Variants in SHQ1 observed in about 807,000 individuals in gnomAD.
SHQ1 encodes protein SHQ1 homolog.
In SHQ1, 49 loss-of-function variants were observed where a neutral mutation model predicts 53.8. That is an observed-to-expected ratio of 0.91 (90% CI 0.72 to 1.16). SHQ1 has a LOEUF of 1.16. SHQ1 is among the 50% of genes most tolerant of loss of function. The pLI is 0.00. For synonymous variants in SHQ1, 243 were observed against 251.0 expected, an observed-to-expected ratio of 0.97 and a Z score of 0.30; for missense variants, 738 against 683.1, an observed-to-expected ratio of 1.08 and a Z score of -0.90.
the SHQ1 span, among the ~76,000 whole-genome samples, chr3:72,739,210 A>C: frequency 6.6e-6 from 1 of 152,098 alleles, no homozygotes; most frequent in South Asian, 2.1e-4. Context: ...TTTGTGTACA[A>C]ACGAAGCCGT....
chr3:72,739,662 C>T, the SHQ1 span, among the ~76,000 whole-genome samples: 1 of 152,184 alleles, frequency 6.6e-6, no homozygotes, highest in Non-Finnish European at 1.5e-5. Context: ...CAGAGGCACA[C>T]TCAGAGAGTA....
chr3:72,848,085 G>T, intron 1 of SHQ1, 113 bp downstream of exon 1: 1 of 1,320,050 alleles, frequency 7.6e-7, no homozygotes, highest in Non-Finnish European at 1.1e-6. Flanking sequence ...CTGCGGAAAC[G>T]TCGGGAAAAG....
intron 1 of SHQ1, chr3:72,846,499 T>A (rs1015264043): frequency 5.4e-6 from 3 of 551,624 alleles, no homozygotes; most frequent in Admixed American, 6.2e-5. Context: ...GGTTTAACCA[T>A]GTTGGTCAGG....
intron 2 of SHQ1, among the ~76,000 whole-genome samples, chr3:72,843,722 G>A (rs1708246807): frequency 6.6e-6 from 1 of 152,044 alleles, no homozygotes; most frequent in Non-Finnish European, 1.5e-5. Flanking sequence ...TGCATTATGG[G>A]TTAGATCTCT....
chr3:72,773,164 A>G, intron 10 of SHQ1: 1 of 742,342 alleles, frequency 1.3e-6, no homozygotes, highest in Admixed American at 1.8e-5. Flanking sequence ...TTGGAAAAAG[A>G]CATAAAAAAC....
intron 9 of SHQ1, among the ~76,000 whole-genome samples, chr3:72,799,849 C>A (rs1706732943): frequency 6.6e-6 from 1 of 152,102 alleles, no homozygotes; most frequent in South Asian, 2.1e-4. Flanking sequence ...TCATGTACAA[C>A]CCTCAATTCA....
chr3:72,749,344 T>C lies in SHQ1; in HGVS notation c.*940A>G. 1 of 229,766 alleles carries C rather than the reference T, an allele frequency of 4.4e-6. No individual in the cohort carries two copies. Among genetic ancestry groups the C allele is most frequent in the Non-Finnish European group, 8.6e-6 (1 of 115,870 alleles). The allele number at this position is 229,766 out of a possible 1,614,324, so 14.2% of individuals were successfully genotyped here. On this transcript the variant is annotated 3_prime_UTR_variant, in exon 11 of 11. Coordinates refer to ENST00000325599, the MANE Select transcript of SHQ1 (RefSeq NM_018130.3). ...AAACTGGAAACAACCCAGGTGTCCA[T>C]CGATAGGTCAATGAACAAATCTATT...
intron 10 of SHQ1, among the ~76,000 whole-genome samples, chr3:72,789,248 A>G (rs573253710): frequency 6.6e-6 from 1 of 152,354 alleles, no homozygotes; most frequent in East Asian, 1.9e-4. Flanking sequence ...AATGTATTAC[A>G]GTTCATTATT....
chr3:72,747,522 G>A (rs1705277388), downstream of SHQ1, among the ~76,000 whole-genome samples: 1 of 152,204 alleles, frequency 6.6e-6, no homozygotes, highest in Non-Finnish European at 1.5e-5. Flanking sequence ...TGTAGGGAAG[G>A]ACAATCAAGG....
At chr3:72,847,363 G>C (rs1405349563) in intron 1 of SHQ1, among the ~76,000 whole-genome samples, 1 of 152,180 alleles carries the variant, frequency 6.6e-6, no homozygotes, top group Non-Finnish European at 1.5e-5. Context: ...ATAAAGAGAA[G>C]GACAAGAGAT....
intron 10 of SHQ1, among the ~76,000 whole-genome samples, chr3:72,758,652 C>T (rs1705550172): frequency 6.7e-6 from 1 of 150,170 alleles, no homozygotes; most frequent in Admixed American, 6.6e-5. Flanking sequence ...TCACTGCAAC[C>T]TCCACCTCCT....
chr3:72,765,539 A>T (rs1275126507), intron 10 of SHQ1, among the ~76,000 whole-genome samples: 1 of 89,810 alleles, frequency 1.1e-5, no homozygotes, highest in African/African-American at 7.6e-5. Flanking sequence ...ACATATATAT[A>T]TATATATATA....
At chr3:72,829,173 T>C (rs1316036148) in intron 5 of SHQ1, among the ~76,000 whole-genome samples, 9 of 152,158 alleles carry the variant, frequency 5.9e-5, no homozygotes, top group Non-Finnish European at 1.0e-4. Flanking sequence ...AAATGGGGCA[T>C]CAATCAAGTT....
In SHQ1 at chr3:72,848,409, T is replaced by G. The variant is rs964677363; in HGVS notation, c.-69A>C. 1.3e-6 allele frequency: 2 copies of G among 1,584,582 alleles called. No individual in the cohort carries two copies. The highest frequency in any genetic ancestry group is 1.7e-6 in the Non-Finnish European group (2 of 1,165,884). ...CGCCGCGTTCCCGCCACGCAAACTCTCCAACTCCCCACGCGCAGGAACTCT... is the reference window on the plus strand; with the variant it reads ...CGCCGCGTTCCCGCCACGCAAACTCGCCAACTCCCCACGCGCAGGAACTCT... On this transcript the variant is annotated 5_prime_UTR_variant, in exon 1 of 11. Coordinates refer to ENST00000325599, the MANE Select transcript of SHQ1 (RefSeq NM_018130.3).
At chr3:72,829,439 C>T (rs753641551) in intron 5 of SHQ1, among the ~76,000 whole-genome samples, 4 of 152,214 alleles carry the variant, frequency 2.6e-5, no homozygotes, top group Admixed American at 6.5e-5. Flanking sequence ...GTAGGCACCA[C>T]GGTGTCTTTG....
At chr3:72,787,983 C>T (rs552232163) in intron 10 of SHQ1, among the ~76,000 whole-genome samples, 2 of 152,320 alleles carry the variant, frequency 1.3e-5, no homozygotes, top group African/African-American at 2.4e-5. Flanking sequence ...CCCGAGGTGC[C>T]GGGATTGCAG....
chr3:72,836,227 C>T lies in SHQ1; in HGVS notation c.487-3746G>A, dbSNP rs754200403. ...GCTCTTGGACAGGCATTGTGGCTCA[C>T]GCCTGTAATCCCAGCACTTTGGGAG... On this transcript the variant is annotated intron_variant, in intron 4 of 10. Coordinates refer to ENST00000325599, the MANE Select transcript of SHQ1 (RefSeq NM_018130.3). Among the ~76,000 whole-genome samples the T allele has an allele frequency of 7.2e-5, 11 of 152,300 alleles. No individual in the cohort carries two copies. In the Middle Eastern group the frequency reaches 0.01, roughly 141 times the overall value.
chr3:72,813,991 CAAAAG>C (rs959950609), intron 8 of SHQ1, among the ~76,000 whole-genome samples: 9 of 151,434 alleles, frequency 5.9e-5, no homozygotes, highest in Non-Finnish European at 1.3e-4. Context: ...AAACACTAAA[CAAAAG>C]AAAATTTCCA....
chr3:72,829,077 T>C (rs1291852217), intron 5 of SHQ1, among the ~76,000 whole-genome samples: 3 of 150,104 alleles, frequency 2.0e-5, no homozygotes, highest in Admixed American at 1.3e-4. Context: ...AGAAAAATGG[T>C]ACAACTTCAG....
Sources: gnomAD v4.1 joint callset for allele counts (sites outside exome capture counted in the v4.1 genomes callset) on GRCh38, gnomAD v4.1.1 for gene constraint, MANE v1.5 for transcripts, NCBI Gene and HGNC (gene_info 2026-07-23, HGNC 2026-07-21) for gene names.